The following DRC11 variants were observed in gnomAD, a reference collection of about 807,000 sequenced individuals.
DRC11 encodes IQ and AAA domain-containing protein 1.
At chr2:236,489,575 G>C in the DRC11 span, among the ~76,000 whole-genome samples, 1 of 152,138 alleles carries the variant, frequency 6.6e-6, no homozygotes, top group Non-Finnish European at 1.5e-5. Flanking sequence ...GCCTGGCTTG[G>C]GGGGTGTCCA....
the DRC11 span, among the ~76,000 whole-genome samples, chr2:236,474,857 A>G: frequency 6.6e-6 from 1 of 152,250 alleles, no homozygotes; most frequent in South Asian, 2.1e-4. Context: ...AATGCATAAT[A>G]GATATACATA....
At chr2:236,344,423 C>G in the DRC11 span, 1 of 638,108 alleles carries the variant, frequency 1.6e-6, no homozygotes, top group Non-Finnish European at 2.8e-6. Context: ...CAGACAGAGA[C>G]CACTACAGAG....
the DRC11 span, among the ~76,000 whole-genome samples, chr2:236,449,397 C>T: frequency 1.3e-5 from 2 of 152,348 alleles, no homozygotes; most frequent in South Asian, 4.1e-4. This position sits in a 1 kb window ranked among gnomAD's most constrained non-coding sequence, Gnocchi z 5.1. Flanking sequence ...CTCTCGCCTC[C>T]GCCTCCGCAA....
chr2:236,379,048 C>T, the DRC11 span, among the ~76,000 whole-genome samples: 29 of 152,296 alleles, frequency 1.9e-4, no homozygotes, highest in African/African-American at 6.5e-4. Flanking sequence ...GCCAGGGCCG[C>T]GGCAGTGTTC....
chr2:236,358,255 T>C, the DRC11 span, among the ~76,000 whole-genome samples: 1 of 132,482 alleles, frequency 7.5e-6, no homozygotes, highest in South Asian at 2.2e-4. Context: ...AGATGTATAC[T>C]ATATGAATAT....
At chr2:236,457,965 T>C in the DRC11 span, among the ~76,000 whole-genome samples, 2 of 152,260 alleles carry the variant, frequency 1.3e-5, no homozygotes, top group African/African-American at 4.8e-5. This position sits in a 1 kb window ranked among gnomAD's most constrained non-coding sequence, Gnocchi z 4.7. Context: ...AATTAGTTAA[T>C]GTATAAAGCA....
the DRC11 span, among the ~76,000 whole-genome samples, chr2:236,439,389 A>T: frequency 6.6e-6 from 1 of 152,246 alleles, no homozygotes; most frequent in Non-Finnish European, 1.5e-5. Flanking sequence ...AGATACTTGA[A>T]AATAATTATG....
the DRC11 span, among the ~76,000 whole-genome samples, chr2:236,411,538 A>T: frequency 3.9e-5 from 6 of 152,138 alleles, no homozygotes; most frequent in Non-Finnish European, 1.5e-5. Context: ...CAGCCATCCC[A>T]TTACTGGGTA....
the DRC11 span, among the ~76,000 whole-genome samples, chr2:236,426,262 A>G: frequency 6.6e-6 from 1 of 152,054 alleles, no homozygotes; most frequent in Non-Finnish European, 1.5e-5. The surrounding 1 kb of genome is among the most constrained non-coding windows in gnomAD (Gnocchi z 4.1). Context: ...CTTCCAATTC[A>G]TGAGTACAGG....
chr2:236,441,096 G>C, the DRC11 span: 2 of 1,560,936 alleles, frequency 1.3e-6, no homozygotes, highest in South Asian at 1.2e-5. Flanking sequence ...TCAACGTCAG[G>C]GTAGTCAGGA....
chr2:236,453,400 T>G, the DRC11 span, among the ~76,000 whole-genome samples: 1 of 152,198 alleles, frequency 6.6e-6, no homozygotes, highest in Non-Finnish European at 1.5e-5. This position sits in a 1 kb window ranked among gnomAD's most constrained non-coding sequence, Gnocchi z 4.9. Flanking sequence ...AAGGCCTGAT[T>G]GTTTCTGCTC....
chr2:236,330,873 T>C, the DRC11 span, among the ~76,000 whole-genome samples: 1 of 152,306 alleles, frequency 6.6e-6, no homozygotes, highest in East Asian at 1.9e-4. This position sits in a 1 kb window ranked among gnomAD's most constrained non-coding sequence, Gnocchi z 5.5. Flanking sequence ...TGTGAATAGG[T>C]CAGAATGTAT....
At chr2:236,409,036 G>A in the DRC11 span, 15 of 626,130 alleles carry the variant, frequency 2.4e-5, no homozygotes, top group Admixed American at 1.6e-4. Context: ...GCAGGAAGCC[G>A]AGGGACCCAT....
chr2:236,472,675 C>T, the DRC11 span, among the ~76,000 whole-genome samples: 1 of 152,186 alleles, frequency 6.6e-6, no homozygotes, highest in Non-Finnish European at 1.5e-5. The surrounding 1 kb of genome is among the most constrained non-coding windows in gnomAD (Gnocchi z 4.6). Context: ...AAGCTCCAGG[C>T]TAGACCATTT....
chr2:236,465,427 C>T, the DRC11 span: 2 of 1,213,502 alleles, frequency 1.6e-6, no homozygotes, highest in East Asian at 2.4e-5. The surrounding 1 kb of genome is among the most constrained non-coding windows in gnomAD (Gnocchi z 6.2). Flanking sequence ...TATCAATATG[C>T]TTCTGTGCTT....
At chr2:236,327,850 T>A in the DRC11 span, among the ~76,000 whole-genome samples, 1 of 152,040 alleles carries the variant, frequency 6.6e-6, no homozygotes, top group Non-Finnish European at 1.5e-5. Flanking sequence ...GTCCAGCTAA[T>A]TTTGTATTTT....
chr2:236,354,769 C>T, the DRC11 span, among the ~76,000 whole-genome samples: 2 of 152,182 alleles, frequency 1.3e-5, no homozygotes, highest in Non-Finnish European at 2.9e-5. Flanking sequence ...TGTTTCCACA[C>T]CTGACTGACA....
the DRC11 span, among the ~76,000 whole-genome samples, chr2:236,448,555 C>T: frequency 1.1e-4 from 17 of 152,080 alleles, no homozygotes; most frequent in Non-Finnish European, 2.4e-4. The surrounding 1 kb of genome is among the most constrained non-coding windows in gnomAD (Gnocchi z 5.3). Context: ...AGGCTGGTCT[C>T]GAACTCCTGA....
At chr2:236,329,693 T>G in the DRC11 span, among the ~76,000 whole-genome samples, 2 of 152,218 alleles carry the variant, frequency 1.3e-5, no homozygotes, top group African/African-American at 4.8e-5. Context: ...TAAACAAATT[T>G]ATTAAACATC....
Sources: allele counts gnomAD v4.1 joint callset (sites outside exome capture counted in the v4.1 genomes callset), GRCh38; gene constraint gnomAD v4.1.1; non-coding constraint Gnocchi (gnomAD v3.1); transcripts MANE v1.5; gene names NCBI Gene and HGNC (gene_info 2026-07-23, HGNC 2026-07-21).